MYO18A: variants seen among roughly 807,000 people sequenced by gnomAD.
MYO18A encodes myosin XVIIIA, also known as unconventional myosin-XVIIIa.
In MYO18A, 78 loss-of-function variants were observed where a neutral mutation model predicts 235.8. That is an observed-to-expected ratio of 0.33 (90% CI 0.28 to 0.40). The LOEUF is 0.40. MYO18A is among the 10% of genes least tolerant of loss of function. The probability of loss-of-function intolerance (pLI) is 1.00; values close to 1 mark genes in which losing one functional copy is unlikely to be tolerated. For synonymous variants in MYO18A, 977 were observed against 1,077.8 expected (o/e 0.91, Z 1.83); for missense variants, 2,215 against 2,699.3 (o/e 0.82, Z 3.98).
intron 2 of MYO18A, chr17:29,127,732 G>T: frequency 2.2e-6 from 1 of 456,280 alleles, no homozygotes; most frequent in Non-Finnish European, 2.9e-6. Context: ...ACGACCCTGG[G>T]CCCAGCCTCT....
intron 1 of MYO18A, among the ~76,000 whole-genome samples, chr17:29,173,152 T>C (rs2068443911): frequency 6.6e-6 from 1 of 151,504 alleles, no homozygotes; most frequent in Non-Finnish European, 1.5e-5. Context: ...TGGAGTGCAA[T>C]GGCCCGATTT....
intron 2 of MYO18A, among the ~76,000 whole-genome samples, chr17:29,163,871 G>A (rs746038486): frequency 2.6e-5 from 4 of 152,216 alleles, no homozygotes; most frequent in Admixed American, 2.0e-4. Context: ...AGACAGGCAT[G>A]GCAACATGTT....
intron 2 of MYO18A, among the ~76,000 whole-genome samples, chr17:29,123,527 C>G (rs1475184204): frequency 6.6e-6 from 1 of 152,224 alleles, no homozygotes. Flanking sequence ...GACGTGGGCT[C>G]TCCTCTCAGG....
intron 2 of MYO18A, among the ~76,000 whole-genome samples, chr17:29,122,933 A>C (rs1246535061): frequency 3.3e-5 from 5 of 152,242 alleles, no homozygotes; most frequent in African/African-American, 1.2e-4. Context: ...CCTGTCACAC[A>C]GACCTAGTGG....
intron 2 of MYO18A, chr17:29,155,546 T>A (rs1273333275): frequency 6.6e-6 from 1 of 152,244 alleles, no homozygotes; most frequent in African/African-American, 2.4e-5. Context: ...AGAAATGAGA[T>A]CGGGGGCAAA....
intron 1 of MYO18A, among the ~76,000 whole-genome samples, chr17:29,175,575 C>A (rs1598406105): frequency 6.6e-6 from 1 of 151,888 alleles, no homozygotes; most frequent in East Asian, 1.9e-4. Flanking sequence ...TGTTGCCCAG[C>A]CTGGTCTCAA....
chr17:29,121,498 G>GC lies in MYO18A; in HGVS notation c.1371+48dup. The GC allele has an allele frequency of 3.9e-6, 6 of 1,528,200 alleles. No individual in the cohort carries two copies. Among genetic ancestry groups the GC allele is most frequent in the Non-Finnish European group, 5.3e-6 (6 of 1,133,806 alleles). 94.7% of individuals were successfully genotyped at this position (1,528,200 alleles called of 1,614,324 possible). ...CACAGGGGAAGGGCAGAGAGCCAGG[G>GC]CAGGGGGTGGGACCAGGAGTCTGCA... On this transcript the variant is annotated intron_variant, in intron 5 of 41. Transcript: ENST00000527372. This position sits in a 1 kb window ranked among gnomAD's most constrained non-coding sequence, Gnocchi z 4.2.
At chr17:29,081,660 T>C (rs996383289) in intron 41 of MYO18A, among the ~76,000 whole-genome samples, 4 of 152,034 alleles carry the variant, frequency 2.6e-5, no homozygotes, top group African/African-American at 9.7e-5. Flanking sequence ...GAGCGAGGGC[T>C]CTTCTTTCTC....
In MYO18A at chr17:29,095,008, C is replaced by T. The variant is rs2152768944; in HGVS notation, c.4437G>A (p.Leu1479=). Residue 1479 remains leucine, a synonymous_variant, in exon 29 of 42, where the codon CTG becomes CTA. Coordinates refer to ENST00000527372, the MANE Select transcript of MYO18A (RefSeq NM_078471.4). ...TCTCCCGCTGCAGCTTCTCCCGCTG[C>T]AGCTTCTCCCGCTGGGCCTCCTCAT... ...QAHEEAQREK[L]QREKLQREKD... is the part of the protein sequence containing the mutation. The T allele has an allele frequency of 6.3e-7, 1 of 1,580,008 alleles. No homozygotes were observed. The highest frequency in any genetic ancestry group is 8.6e-7 in the Non-Finnish European group (1 of 1,161,840).
At chr17:29,173,450 C>T (rs2068452353) in intron 1 of MYO18A, among the ~76,000 whole-genome samples, 1 of 147,026 alleles carries the variant, frequency 6.8e-6, no homozygotes, top group African/African-American at 2.5e-5. Context: ...TGCAGTGGCA[C>T]GATCTCTGCT....
chr17:29,156,505 C>A (rs1302283378), intron 2 of MYO18A, among the ~76,000 whole-genome samples: 2 of 152,162 alleles, frequency 1.3e-5, no homozygotes, highest in East Asian at 3.9e-4. Flanking sequence ...GGAGATGGGA[C>A]ACGCTAAGGT....
At chr17:29,105,265 G>A (rs1242953891) in intron 20 of MYO18A, among the ~76,000 whole-genome samples, 1 of 151,928 alleles carries the variant, frequency 6.6e-6, no homozygotes, top group East Asian at 1.9e-4. Flanking sequence ...CAGGGCATCA[G>A]GGAGAGGGAC....
chr17:29,138,467 C>T (rs1375116563), intron 2 of MYO18A, among the ~76,000 whole-genome samples: 3 of 152,174 alleles, frequency 2.0e-5, no homozygotes, highest in Non-Finnish European at 4.4e-5. Flanking sequence ...TCCTCCCAGT[C>T]CCAACCTAGC....
rs1353664702 is a variant in MYO18A, at chr17:29,140,501, G to A, written c.1000-18248C>T. On this transcript the variant is annotated intron_variant, in intron 2 of 41. Coordinates refer to ENST00000527372, the MANE Select transcript of MYO18A (RefSeq NM_078471.4). The surrounding 1 kb of genome is among the most constrained non-coding windows in gnomAD (Gnocchi z 4.2). ...AGCTGCCCAGCCCTAGTTGGAGCCA[G>A]CAGCCCGGAGGACTTCGGGTATCAG... 2.9e-6 allele frequency: 3 copies of A among 1,037,356 alleles called. No homozygotes were observed. The highest frequency in any genetic ancestry group is 3.7e-6 in the Non-Finnish European group (3 of 811,420). The allele number at this position is 1,037,356 out of a possible 1,614,324, so 64.3% of individuals were successfully genotyped here. A position where few individuals can be genotyped will look rare whatever the true frequency, so the allele number is the denominator to read the frequency against.
chr17:29,125,886 G>A lies in MYO18A; in HGVS notation c.1000-3633C>T. The A allele has an allele frequency of 1.0e-6, 1 of 985,572 alleles. No homozygotes were observed. The highest frequency in any genetic ancestry group is 1.2e-6 in the Non-Finnish European group (1 of 829,638). The allele number at this position is 985,572 out of a possible 1,614,324, so 61.1% of individuals were successfully genotyped here. A position where few individuals can be genotyped will look rare whatever the true frequency, so the allele number is the denominator to read the frequency against. On this transcript the variant is annotated intron_variant, in intron 2 of 41. Transcript: ENST00000527372. The surrounding 1 kb of genome is among the most constrained non-coding windows in gnomAD (Gnocchi z 5.1). Reference sequence around the variant, plus strand: ...GGACTGGGACCCACACACAAGAGTGGCATTACAGAAGCTGTGAAGATCCTC... The same window carrying A: ...GGACTGGGACCCACACACAAGAGTGACATTACAGAAGCTGTGAAGATCCTC...
chr17:29,171,905 G>GAAA (rs71762070), intron 1 of MYO18A, among the ~76,000 whole-genome samples: 123 of 103,332 alleles, frequency 1.2e-3, no homozygotes, highest in South Asian at 7.0e-3. Flanking sequence ...AAGAAAGAAA[G>GAAA]AAAAAAAAAA....
At chr17:29,122,713 C>T (rs2067230495) in intron 2 of MYO18A, among the ~76,000 whole-genome samples, 1 of 152,258 alleles carries the variant, frequency 6.6e-6, no homozygotes, top group Non-Finnish European at 1.5e-5. Flanking sequence ...AATGATAGGG[C>T]CTCCTTTGCC....
Position 29,079,923 on chromosome 17 carries a change from A to C in MYO18A, c.6020+2393T>G, listed in dbSNP as rs144236449. 1.8e-5 allele frequency: 18 copies of C among 985,926 alleles called. No individual in the cohort carries two copies. The East Asian group carries it at 1.1e-3, about 62-fold the overall frequency. 61.1% of individuals were successfully genotyped at this position (985,926 alleles called of 1,614,324 possible). On this transcript the variant is annotated intron_variant, in intron 41 of 41. Transcript: ENST00000527372. The stretch of plus-strand genomic sequence containing the variant: ...CGCTGGATGACGACGAGGAGGACTC[A>C]GACTCCGTCTCCGTTCTCTTTCTTC...
rs374196771 is a variant in MYO18A, at chr17:29,098,826, G to A, written c.3780C>T (p.Asp1260=). The A allele has an allele frequency of 3.8e-5, 61 of 1,613,956 alleles. No individual in the cohort carries two copies. In the African/African-American group the frequency reaches 7.6e-4, roughly 20 times the overall value. ...TTGGCCCTCTCAGGCTGTCACATAC[G>A]TCTTTGTTCCGGATCTGCTCCTCTG... The part of the protein sequence containing the change: ...QLSEEQIRNK[D]EEIQQLRSKL... The change falls in exon 23 of 42, where the codon GAC becomes GAT. Residue 1260 remains aspartate (D), a splice_region_variant and synonymous_variant. Coordinates refer to ENST00000527372, the MANE Select transcript of MYO18A (RefSeq NM_078471.4).
Sources: gnomAD v4.1 joint callset for allele counts (sites outside exome capture counted in the v4.1 genomes callset) on GRCh38, gnomAD v4.1.1 for gene constraint, Gnocchi (gnomAD v3.1) non-coding constraint, MANE v1.5 for transcripts, NCBI Gene and HGNC (gene_info 2026-07-23, HGNC 2026-07-21) for gene names.